The following CSMD3 variants were observed in gnomAD, a reference collection of about 807,000 sequenced individuals.
The protein encoded by CSMD3 is CUB and sushi domain-containing protein 3.
A neutral mutation model predicts 435.2 loss-of-function variants in CSMD3; 177 were observed. The observed-to-expected ratio is 0.41, with a 90% CI of 0.36 to 0.46. The LOEUF is 0.46. Ranked by LOEUF, CSMD3 falls within the 20% of genes least tolerant of loss-of-function variation. CSMD3 has a pLI of 0.34. For missense variants in CSMD3, 4,265 were observed against 4,504.6 expected (o/e 0.95, Z 1.52); for synonymous variants, 1,656 against 1,520.5 (o/e 1.09, Z -2.07).
At chr8:112,995,150 C>A (rs573991766) in intron 6 of CSMD3, among the ~76,000 whole-genome samples, 11 of 150,848 alleles carry the variant, frequency 7.3e-5, no homozygotes, top group African/African-American at 2.2e-4. Flanking sequence ...AAAATAGCTA[C>A]AATTAAGAGA....
In CSMD3 at chr8:112,517,036, A is replaced by G. The variant is rs1823742094; in HGVS notation, c.4754T>C (p.Ile1585Thr). Residue 1585 changes from isoleucine (I) to threonine (T), a missense_variant and splice_region_variant, in exon 28 of 71, where the codon ATA becomes ACA. Transcript: ENST00000297405. ...TTTAATTGTTCTTTAATTCATACCT[A>G]TACAGACTGGTGGGCTGGGCTGCCA... ...YFWQPSPPVCIAPCGGNLTGS... is the reference protein window; with the variant it reads ...YFWQPSPPVCTAPCGGNLTGS... 1.2e-6 allele frequency: 2 copies of G among 1,610,396 alleles called. No individual in the cohort carries two copies. The highest frequency in any genetic ancestry group is 1.7e-6 in the Non-Finnish European group (2 of 1,177,090).
At chr8:113,016,088 T>C (rs2086446590) in intron 6 of CSMD3, among the ~76,000 whole-genome samples, 1 of 151,756 alleles carries the variant, frequency 6.6e-6, no homozygotes, top group Non-Finnish European at 1.5e-5. Context: ...TTTTTTTTAA[T>C]CAAAGAAGAG....
At chr8:112,652,809 C>T (rs1365023557) in intron 18 of CSMD3, among the ~76,000 whole-genome samples, 1 of 152,034 alleles carries the variant, frequency 6.6e-6, no homozygotes, top group Admixed American at 6.6e-5. Flanking sequence ...TGGTAAGTAG[C>T]TTTAGAAGAT....
chr8:112,743,680 G>A (rs993108246), intron 13 of CSMD3, among the ~76,000 whole-genome samples: 1 of 151,888 alleles, frequency 6.6e-6, no homozygotes, highest in Non-Finnish European at 1.5e-5. Flanking sequence ...CTAGTAATGT[G>A]AAATTTCATT....
At chr8:112,255,596 AC>A in intron 61 of CSMD3, 169 bp from the exon 62 acceptor site, 1 of 628,974 alleles carries the variant, frequency 1.6e-6, no homozygotes, top group Non-Finnish European at 2.8e-6. Context: ...GCAGATAAAT[AC>A]TGAATTGAAA....
intron 32 of CSMD3, among the ~76,000 whole-genome samples, chr8:112,416,154 T>C (rs1190873748): frequency 1.3e-5 from 2 of 152,140 alleles, no homozygotes; most frequent in Non-Finnish European, 2.9e-5. Context: ...TCCCATAATT[T>C]CCATGTGTAC....
At chr8:113,099,158 G>A (rs2090257779) in intron 4 of CSMD3, among the ~76,000 whole-genome samples, 195 bp from the exon 5 acceptor site, 1 of 152,076 alleles carries the variant, frequency 6.6e-6, no homozygotes, top group East Asian at 1.9e-4. Flanking sequence ...CAAGTATAAA[G>A]TATATCTTAA....
At chr8:112,522,790 G>C (rs1824435736) in intron 27 of CSMD3, among the ~76,000 whole-genome samples, 1 of 151,762 alleles carries the variant, frequency 6.6e-6, no homozygotes, top group South Asian at 2.1e-4. Context: ...ATATAACTGA[G>C]TTCTCATTAT....
At chr8:112,389,988 G>C (rs1830281056) in intron 36 of CSMD3, among the ~76,000 whole-genome samples, 1 of 152,174 alleles carries the variant, frequency 6.6e-6, no homozygotes, top group African/African-American at 2.4e-5. Context: ...TGCTAACACA[G>C]ATCTGGCTTA....
intron 3 of CSMD3, among the ~76,000 whole-genome samples, chr8:113,182,872 C>T (rs1396697205): frequency 1.5e-5 from 2 of 136,898 alleles, no homozygotes; most frequent in African/African-American, 2.5e-5. Flanking sequence ...TTTGTTGTTG[C>T]TGTTGTTGTT....
chr8:112,747,091 T>C (rs914683063), intron 13 of CSMD3, among the ~76,000 whole-genome samples: 13 of 151,680 alleles, frequency 8.6e-5, no homozygotes, highest in African/African-American at 3.1e-4. Flanking sequence ...ATATCATAAT[T>C]CTACTCTTTC....
chr8:112,669,135 C>G (rs540799204), intron 16 of CSMD3, among the ~76,000 whole-genome samples: 48 of 151,810 alleles, frequency 3.2e-4, no homozygotes, highest in African/African-American at 1.1e-3. Flanking sequence ...TGGGTTCAAA[C>G]GATTCTCCTG....
chr8:112,906,147 T>C (rs1487077416), intron 10 of CSMD3, among the ~76,000 whole-genome samples: 1 of 151,324 alleles, frequency 6.6e-6, no homozygotes, highest in African/African-American at 2.4e-5. Flanking sequence ...ATTTCTTCTT[T>C]AAGACACCGA....
At chr8:113,048,086 T>C (rs2087915688) in intron 5 of CSMD3, among the ~76,000 whole-genome samples, 1 of 37,334 alleles carries the variant, frequency 2.7e-5, no homozygotes, top group Non-Finnish European at 4.3e-5. Flanking sequence ...TTCAATTCTT[T>C]TTTTTTTTTT....
At chr8:112,623,486 T>C (rs545017161) in intron 22 of CSMD3, among the ~76,000 whole-genome samples, 361 of 152,236 alleles carry the variant, frequency 2.4e-3, no homozygotes, top group African/African-American at 8.3e-3. Flanking sequence ...CCTTACAATA[T>C]AGTAGAACTT....
chr8:112,629,198 TTTA>T, intron 22 of CSMD3, among the ~76,000 whole-genome samples: 1 of 151,204 alleles, frequency 6.6e-6, no homozygotes, highest in Admixed American at 6.6e-5. Context: ...TCACTGCGAT[TTTA>T]TTATTATTTA....
At chr8:113,218,778 T>C (rs1010839779) in intron 3 of CSMD3, among the ~76,000 whole-genome samples, 4 of 151,338 alleles carry the variant, frequency 2.6e-5, no homozygotes, top group Non-Finnish European at 4.4e-5. Context: ...TCCAAAATGC[T>C]TGGGGCCAGA....
At chr8:113,223,592 T>C (rs1037816018) in intron 3 of CSMD3, among the ~76,000 whole-genome samples, 2 of 148,712 alleles carry the variant, frequency 1.3e-5, no homozygotes, top group Admixed American at 6.8e-5. Context: ...TTTCAAAACA[T>C]TTTTGACAAT....
At chr8:112,571,574 A>T (rs756814604) in intron 24 of CSMD3, among the ~76,000 whole-genome samples, 6 of 151,708 alleles carry the variant, frequency 4.0e-5, no homozygotes, top group Non-Finnish European at 7.4e-5. Context: ...TATTTCAGAC[A>T]AGCAGAAATG....
Sources: allele counts gnomAD v4.1 joint callset (sites outside exome capture counted in the v4.1 genomes callset), GRCh38; gene constraint gnomAD v4.1.1; transcripts MANE v1.5; gene names NCBI Gene and HGNC (gene_info 2026-07-23, HGNC 2026-07-21).